TRPM3: variants seen among roughly 807,000 people sequenced by gnomAD.
TRPM3 encodes the protein transient receptor potential cation channel subfamily M member 3, also known as long transient receptor potential channel 3.
A neutral mutation model predicts 181.2 loss-of-function variants in TRPM3; 77 were observed. The ratio of observed to expected loss-of-function variants is 0.42; its 90% CI spans 0.35 to 0.51. TRPM3 has a LOEUF of 0.51. Among genes scored for constraint, TRPM3 ranks in the 20% least tolerant of loss-of-function variants. The pLI is 0.01. For synonymous variants in TRPM3, 745 were observed against 796.4 expected (o/e 0.94, Z 1.09); for missense variants, 1,759 against 2,196.7 (o/e 0.80, Z 3.98).
intron 1 of TRPM3, among the ~76,000 whole-genome samples, chr9:71,426,707 A>G (rs1015043808): frequency 1.3e-5 from 2 of 152,156 alleles, no homozygotes; most frequent in African/African-American, 4.8e-5. Context: ...TTTTGCTGTG[A>G]AAAGCTTCCT....
At chr9:71,147,890 T>G (rs1007101967) in intron 1 of TRPM3, among the ~76,000 whole-genome samples, 1 of 152,148 alleles carries the variant, frequency 6.6e-6, no homozygotes, top group African/African-American at 2.4e-5. Context: ...CTGACCAACA[T>G]TTCTTTTTCC....
At chr9:71,159,419 T>G (rs566432777) in intron 1 of TRPM3, among the ~76,000 whole-genome samples, 1 of 152,200 alleles carries the variant, frequency 6.6e-6, no homozygotes, top group South Asian at 2.1e-4. Context: ...ACTCCATCTG[T>G]GTTAATTAGA....
At position 70,552,864 on chromosome 9, in the gene TRPM3, T is replaced by C; in HGVS notation, c.3554A>G (p.Asp1185Gly). Residue 1185 changes from aspartate (D) to glycine (G), a missense_variant, in exon 24 of 26, where the codon GAT becomes GGT. Coordinates refer to ENST00000677713, the MANE Select transcript of TRPM3 (RefSeq NM_001366145.2). ...CRWRKHESDP[D>G]ERDYGLKLFI... Reference sequence around the variant, plus strand: ...CTTACTCAGGCCGTAGTCCCTTTCATCCGGGTCGCTCTCGTGTTTCCTCCA... The same window carrying C: ...CTTACTCAGGCCGTAGTCCCTTTCACCCGGGTCGCTCTCGTGTTTCCTCCA... 1 of 1,614,096 alleles carries C rather than the reference T, an allele frequency of 6.2e-7. No individual in the cohort carries two copies. The highest frequency in any genetic ancestry group is 8.5e-7 in the Non-Finnish European group (1 of 1,180,016).
At chr9:71,416,368 A>G (rs552833125) in intron 1 of TRPM3, among the ~76,000 whole-genome samples, 13 of 152,048 alleles carry the variant, frequency 8.5e-5, no homozygotes, top group African/African-American at 2.9e-4. Context: ...GCAATTTATC[A>G]CCATCTAAAA....
At chr9:70,659,818 C>T (rs904728756) in intron 9 of TRPM3, among the ~76,000 whole-genome samples, 2 of 151,978 alleles carry the variant, frequency 1.3e-5, no homozygotes, top group African/African-American at 4.8e-5. Context: ...TTCATAAAGC[C>T]CTGTGAACTG....
intron 1 of TRPM3, among the ~76,000 whole-genome samples, chr9:70,977,365 A>C (rs2097314606): frequency 6.6e-6 from 1 of 152,092 alleles, no homozygotes; most frequent in African/African-American, 2.4e-5. Flanking sequence ...CCATCTCCTG[A>C]CCTCGTGATC....
At chr9:71,207,630 A>G (rs2079204526) in intron 1 of TRPM3, among the ~76,000 whole-genome samples, 1 of 152,174 alleles carries the variant, frequency 6.6e-6, no homozygotes, top group Non-Finnish European at 1.5e-5. Flanking sequence ...ACTGCATAGT[A>G]TAGTACTATA....
chr9:70,697,797 G>C (rs562446766), intron 8 of TRPM3, among the ~76,000 whole-genome samples: 12 of 152,260 alleles, frequency 7.9e-5, no homozygotes, highest in African/African-American at 2.6e-4. Context: ...AATGGTATAT[G>C]GTTCTCCAGC....
rs10536771 is a variant in TRPM3 at position 71,216,937 on chromosome 9, C to CTTTT, written c.183+229712_183+229715dup. Among the ~76,000 whole-genome samples the CTTTT allele has an allele frequency of 5.3e-3, 386 of 73,062 alleles. 5 individuals carry two copies. The highest frequency in any genetic ancestry group is 0.012 in the African/African-American group (201 of 17,374). The allele number at this position is 73,062 out of a possible 152,430, so 47.9% of individuals were successfully genotyped here. On this transcript the variant is annotated intron_variant, in intron 1 of 24. Transcript: ENST00000357533. The stretch of plus-strand genomic sequence containing the variant: ...GCACAAGCATAGTCAGTGGCCCTTT[C>CTTTT]TTTTTTTTTTTTTTTTTTTTTTTTT...
chr9:71,091,751 C>T (rs969768740), intron 1 of TRPM3, among the ~76,000 whole-genome samples: 4 of 151,664 alleles, frequency 2.6e-5, no homozygotes, highest in African/African-American at 9.7e-5. Context: ...ATGAAATCAC[C>T]AGTTACATGT....
At chr9:70,550,245 T>G in intron 24 of TRPM3, among the ~76,000 whole-genome samples, 1 of 152,190 alleles carries the variant, frequency 6.6e-6, no homozygotes, top group East Asian at 1.9e-4. Flanking sequence ...ACTTTCCTGA[T>G]AAAATATAGA....
intron 1 of TRPM3, among the ~76,000 whole-genome samples, chr9:71,354,344 A>AGACCCCAAAGATACTCCCC (rs1415623306): frequency 2.0e-5 from 3 of 152,156 alleles, no homozygotes; most frequent in Non-Finnish European, 4.4e-5. Context: ...GTGACTTGGC[A>AGACCCCAAAGATACTCCCC]GACCCCAAAG....
intron 9 of TRPM3, among the ~76,000 whole-genome samples, chr9:70,675,888 A>G (rs563330944): frequency 6.6e-6 from 1 of 152,364 alleles, no homozygotes; most frequent in East Asian, 1.9e-4. Flanking sequence ...TGCTCAGATT[A>G]ACAATATGTG....
intron 1 of TRPM3, among the ~76,000 whole-genome samples, chr9:71,244,984 C>T (rs1267651997): frequency 6.6e-6 from 1 of 152,218 alleles, no homozygotes; most frequent in Non-Finnish European, 1.5e-5. Context: ...ACAGCACAGG[C>T]TGGTGGGGAG....
At chr9:71,272,875 A>ATTT (rs879522122) in intron 1 of TRPM3, among the ~76,000 whole-genome samples, 1 of 142,896 alleles carries the variant, frequency 7.0e-6, no homozygotes, top group African/African-American at 2.6e-5. Flanking sequence ...GAAAGCGGTA[A>ATTT]TTTTTTTTTT....
At chr9:70,655,147 A>G (rs1156424636) in intron 9 of TRPM3, among the ~76,000 whole-genome samples, 3 of 150,670 alleles carry the variant, frequency 2.0e-5, no homozygotes, top group Non-Finnish European at 4.4e-5. Flanking sequence ...CTCTGCTAAA[A>G]ATACAAAAAT....
chr9:70,916,297 T>A (rs1190247048), intron 1 of TRPM3, among the ~76,000 whole-genome samples: 2 of 152,106 alleles, frequency 1.3e-5, no homozygotes, highest in African/African-American at 4.8e-5. Flanking sequence ...TAAGAAATCA[T>A]CTGAAGGTAC....
intron 1 of TRPM3, among the ~76,000 whole-genome samples, chr9:71,036,825 C>G (rs1250307318): frequency 6.6e-6 from 1 of 152,090 alleles, no homozygotes; most frequent in East Asian, 1.9e-4. Flanking sequence ...CTAGGTGGTT[C>G]AATGGAAGGT....
chr9:70,621,618 A>C (rs778859014), intron 14 of TRPM3, among the ~76,000 whole-genome samples: 7 of 152,170 alleles, frequency 4.6e-5, no homozygotes, highest in Non-Finnish European at 1.0e-4. Flanking sequence ...CTCCCACCTC[A>C]GCCTCCCAAA....
Sources: gnomAD v4.1 joint callset for allele counts (sites outside exome capture counted in the v4.1 genomes callset) on GRCh38, gnomAD v4.1.1 for gene constraint, MANE v1.5 for transcripts, NCBI Gene and HGNC (gene_info 2026-07-23, HGNC 2026-07-21) for gene names.